Variants in BAIAP2 observed in about 807,000 individuals in gnomAD.
The protein encoded by BAIAP2 is BAR/IMD domain containing adaptor protein 2.
A neutral mutation model predicts 63.0 loss-of-function variants in BAIAP2; 18 were observed. The observed-to-expected ratio is 0.29, with a 90% confidence interval of 0.20 to 0.42. The LOEUF is 0.42. Ranked by LOEUF, BAIAP2 falls within the 10% of genes least tolerant of loss-of-function variation. The probability of loss-of-function intolerance (pLI) is 1.00; values close to 1 mark genes in which losing one functional copy is unlikely to be tolerated. For missense variants in BAIAP2, 610 were observed against 734.3 expected, an observed-to-expected ratio of 0.83 and a Z score of 1.96; for synonymous variants, 386 against 307.6, an observed-to-expected ratio of 1.25 and a Z score of -2.67.
intron 13 of BAIAP2, among the ~76,000 whole-genome samples, chr17:81,115,139 C>T (rs377657460): frequency 3.3e-5 from 5 of 152,206 alleles, no homozygotes; most frequent in Admixed American, 6.5e-5. Flanking sequence ...GCTGTGGCCC[C>T]GGGGATATGG....
Position 81,047,364 on chromosome 17 carries a change from G to C in BAIAP2, c.55-6304G>C, listed in dbSNP as rs185023747. On this transcript the variant is annotated intron_variant, in intron 1 of 13. Transcript: ENST00000428708. ...GACTCTCATGGAGGGGCTGGGTGAG[G>C]ATTAGGGTGATGAGGGTCTAAGGCA... is the stretch of plus-strand genomic sequence containing the variant. Among the ~76,000 whole-genome samples, 21 of 152,320 alleles carry C rather than the reference G, an allele frequency of 1.4e-4. No individual in the cohort carries two copies. The East Asian group carries it at 3.7e-3, about 27-fold the overall frequency.
intron 3 of BAIAP2, among the ~76,000 whole-genome samples, chr17:81,080,106 G>A (rs1399937366): frequency 2.6e-5 from 4 of 152,202 alleles, no homozygotes; most frequent in Non-Finnish European, 5.9e-5. Flanking sequence ...TGCCCCTACC[G>A]GTGCCTCTCA....
chr17:81,090,194 G>A (rs75688680), intron 6 of BAIAP2, among the ~76,000 whole-genome samples: 2,076 of 152,292 alleles, frequency 0.014, 48 homozygotes, highest in African/African-American at 0.046. Flanking sequence ...TCATGTGGCC[G>A]CAGCAAGCCC....
chr17:81,106,196 G>A (rs2145977635), intron 11 of BAIAP2, 50 bp downstream of exon 11: 1 of 1,528,942 alleles, frequency 6.5e-7, no homozygotes, highest in Non-Finnish European at 8.9e-7. Flanking sequence ...CGGGAGAGGG[G>A]CTGTGATGAC....
At chr17:81,083,999 G>C (rs2055107915) in intron 3 of BAIAP2, 1 of 152,110 alleles carries the variant, frequency 6.6e-6, no homozygotes, top group South Asian at 2.1e-4. Context: ...CCCTGGGGCT[G>C]CCCCCCCGCA....
Position 81,086,592 on chromosome 17 carries a change from AC to A in BAIAP2, c.489+17del, listed in dbSNP as rs757268353. 9.3e-6 allele frequency: 15 copies of A among 1,611,994 alleles called. No homozygotes were observed. The highest frequency in any genetic ancestry group is 3.3e-5 in the Admixed American group (2 of 59,992). Reference sequence around the variant, plus strand: ...ACAAGGAGCTGCAGGTAGGCCCGCCACCCCCGCTGTGGTGCCTCTCCTGCCA... The same window carrying A: ...ACAAGGAGCTGCAGGTAGGCCCGCCACCCCGCTGTGGTGCCTCTCCTGCCA... On this transcript the variant is annotated intron_variant, in intron 6 of 13. Coordinates refer to ENST00000428708, the MANE Select transcript of BAIAP2 (RefSeq NM_001144888.2).
At chr17:81,086,350 C>T (rs1351815975) in intron 5 of BAIAP2, 93 bp from the exon 6 acceptor site, 31 of 1,501,706 alleles carry the variant, frequency 2.1e-5, no homozygotes, top group South Asian at 1.1e-4. Flanking sequence ...GACCCCGTTG[C>T]GTTGGGCTCA....
intron 6 of BAIAP2, chr17:81,098,008 G>GGGTGTCA (rs1445275518): frequency 2.2e-6 from 2 of 911,564 alleles, no homozygotes; most frequent in Non-Finnish European, 2.9e-6. Context: ...CCCGGGTGCC[G>GGGTGTCA]GGTGTCAGCT....
intron 1 of BAIAP2, among the ~76,000 whole-genome samples, chr17:81,038,596 C>T (rs1469102756): frequency 1.3e-5 from 2 of 152,234 alleles, no homozygotes; most frequent in Admixed American, 6.5e-5. Context: ...AGCCGTGCTT[C>T]GAGGAGACGG....
chr17:81,075,827 T>C (rs924969362), intron 3 of BAIAP2, among the ~76,000 whole-genome samples: 3 of 152,180 alleles, frequency 2.0e-5, no homozygotes, highest in African/African-American at 7.2e-5. Context: ...GCCCAGCCTT[T>C]GCACTGGCCA....
intron 1 of BAIAP2, among the ~76,000 whole-genome samples, chr17:81,049,074 C>T (rs1241129189): frequency 2.6e-5 from 4 of 152,224 alleles, no homozygotes; most frequent in Admixed American, 2.0e-4. Context: ...ACTGGAAGTC[C>T]GTGCCGGCCC....
chr17:81,104,162 C>T, intron 9 of BAIAP2, 54 bp downstream of exon 9: 2 of 1,578,662 alleles, frequency 1.3e-6, no homozygotes, highest in Non-Finnish European at 1.7e-6. Context: ...CCTCCTCAGA[C>T]CCTACAGTCA....
chr17:81,082,398 G>A (rs1472441026), intron 3 of BAIAP2, among the ~76,000 whole-genome samples: 2 of 152,188 alleles, frequency 1.3e-5, no homozygotes, highest in Non-Finnish European at 2.9e-5. Context: ...GCCAGGCCCA[G>A]GCATGTCATC....
At chr17:81,098,232 CTGGGAGGCGCCTCTGCCCAGGA>C (rs2057969512) in intron 6 of BAIAP2, 2 of 1,283,648 alleles carry the variant, frequency 1.6e-6, no homozygotes. Context: ...CATGGGCAGG[CTGGGAGGCGCCTCTGCCCAGGA>C]TGGGAGCACA....
At chr17:81,108,679 G>A (rs540506649) in intron 13 of BAIAP2, 170 bp downstream of exon 13, 34 of 923,200 alleles carry the variant, frequency 3.7e-5, no homozygotes, top group African/African-American at 1.5e-4. Context: ...TGCTTTCTCC[G>A]AGTGACACGG....
intron 6 of BAIAP2, among the ~76,000 whole-genome samples, chr17:81,097,194 A>G (rs550173751): frequency 6.6e-6 from 1 of 152,278 alleles, no homozygotes; most frequent in South Asian, 2.1e-4. Context: ...TGGGGATAGG[A>G]GTAGCAAGCC....
At chr17:81,062,452 G>A (rs1009946191) in intron 3 of BAIAP2, among the ~76,000 whole-genome samples, 1 of 152,014 alleles carries the variant, frequency 6.6e-6, no homozygotes, top group Non-Finnish European at 1.5e-5. Flanking sequence ...TTTTCAATGC[G>A]CCATCACGAA....
intron 13 of BAIAP2, chr17:81,110,384 C>T (rs902350413): frequency 6.1e-6 from 6 of 987,326 alleles, no homozygotes; most frequent in East Asian, 1.1e-4. Context: ...AGACACAAAA[C>T]AGCAACACTT....
Position 81,103,738 on chromosome 17 carries a change from T to A in BAIAP2, c.864+15T>A. The A allele has an allele frequency of 6.4e-7, 1 of 1,572,778 alleles. No individual in the cohort carries two copies. The highest frequency in any genetic ancestry group is 8.6e-7 in the Non-Finnish European group (1 of 1,156,254). ...CGTTCGTGGGGGTGAGTCTGTGGCCTCTGGAAAGCTTCACGGGTGTGGGTG... is the reference window on the plus strand; with the variant it reads ...CGTTCGTGGGGGTGAGTCTGTGGCCACTGGAAAGCTTCACGGGTGTGGGTG... On this transcript the variant is annotated intron_variant, in intron 8 of 13. Transcript: ENST00000428708.
Sources: allele counts gnomAD v4.1 joint callset (sites outside exome capture counted in the v4.1 genomes callset), GRCh38; gene constraint gnomAD v4.1.1; transcripts MANE v1.5; gene names NCBI Gene and HGNC (gene_info 2026-07-23, HGNC 2026-07-21).